GRM8: variants seen among roughly 807,000 people sequenced by gnomAD.
GRM8 encodes the protein glutamate metabotropic receptor 8.
GRM8 carries 47 observed loss-of-function variants against 87.2 expected under a neutral mutation model. That is an observed-to-expected ratio of 0.54 (90% CI 0.43 to 0.69). GRM8 has a LOEUF of 0.69. Among genes scored for constraint, GRM8 ranks in the 30% least tolerant of loss-of-function variants. The pLI is 0.00. For synonymous variants in GRM8, 396 were observed against 404.5 expected (o/e 0.98, Z 0.25); for missense variants, 1,019 against 1,139.2 (o/e 0.89, Z 1.52).
At chr7:126,595,858 C>G (rs909347621) in intron 8 of GRM8, among the ~76,000 whole-genome samples, 39 of 152,230 alleles carry the variant, frequency 2.6e-4, no homozygotes, top group Non-Finnish European at 4.3e-4. Context: ...TATAGTCCGG[C>G]TGGTCGCAGT....
In GRM8 at chr7:127,237,555, T is replaced by G. The variant is rs2116848568; in HGVS notation, c.510+5140A>C. ...GACTGCCAGGGAAACAAGCTGCTTC[T>G]CAGTATTTCATTGACTTCACATGAA... is the stretch of plus-strand genomic sequence containing the variant. On this transcript the variant is annotated intron_variant, in intron 2 of 10. Coordinates refer to ENST00000339582, the MANE Select transcript of GRM8 (RefSeq NM_000845.3). Among the ~76,000 whole-genome samples, 4 of 152,354 alleles carry G rather than the reference T, an allele frequency of 2.6e-5. No homozygotes were observed. The South Asian group carries it at 8.3e-4, about 32-fold the overall frequency.
chr7:126,627,228 T>C (rs1800795891), intron 7 of GRM8, among the ~76,000 whole-genome samples: 2 of 152,240 alleles, frequency 1.3e-5, no homozygotes, highest in South Asian at 4.1e-4. Context: ...GGTGATTTTG[T>C]CCCTCACAGG....
At chr7:126,992,482 T>C (rs1812755354) in intron 3 of GRM8, among the ~76,000 whole-genome samples, 1 of 151,936 alleles carries the variant, frequency 6.6e-6, no homozygotes, top group Non-Finnish European at 1.5e-5. Context: ...CAATTGGAAA[T>C]AAAACAAAAT....
intron 7 of GRM8, among the ~76,000 whole-genome samples, chr7:126,638,725 T>G (rs1563043817): frequency 6.6e-6 from 1 of 152,194 alleles, no homozygotes; most frequent in Non-Finnish European, 1.5e-5. Flanking sequence ...TCTATCTTGC[T>G]TCTTAGGTGT....
intron 2 of GRM8, among the ~76,000 whole-genome samples, chr7:127,220,212 T>C (rs1372454121): frequency 1.3e-5 from 2 of 152,120 alleles, no homozygotes; most frequent in Non-Finnish European, 2.9e-5. Context: ...CTTTATCTTT[T>C]CTCACTAGCC....
At chr7:126,959,362 G>C (rs746744104) in intron 3 of GRM8, among the ~76,000 whole-genome samples, 2 of 152,228 alleles carry the variant, frequency 1.3e-5, no homozygotes, top group African/African-American at 2.4e-5. Context: ...GAGAGGGATA[G>C]AGGAGTGTTT....
chr7:126,707,243 G>A, intron 7 of GRM8, among the ~76,000 whole-genome samples: 1 of 152,030 alleles, frequency 6.6e-6, no homozygotes, highest in South Asian at 2.1e-4. Context: ...AGAAACAAAG[G>A]TAGATTAACT....
chr7:126,775,717 G>A (rs1273850528), intron 6 of GRM8, among the ~76,000 whole-genome samples: 1 of 152,034 alleles, frequency 6.6e-6, no homozygotes, highest in Non-Finnish European at 1.5e-5. Flanking sequence ...GGCTAGGGGA[G>A]AGAGAGGATC....
chr7:126,644,110 T>C (rs76675607), intron 7 of GRM8, among the ~76,000 whole-genome samples: 1 of 152,260 alleles, frequency 6.6e-6, no homozygotes, highest in Admixed American at 6.5e-5. Flanking sequence ...AGATGGTATC[T>C]TGGATCTATG....
intron 7 of GRM8, among the ~76,000 whole-genome samples, 167 bp from the exon 8 acceptor site, chr7:126,609,665 G>A (rs1412449689): frequency 6.6e-6 from 1 of 152,172 alleles, no homozygotes; most frequent in Non-Finnish European, 1.5e-5. Context: ...TCTTTTACAT[G>A]AAAAAGAAGC....
intron 9 of GRM8, among the ~76,000 whole-genome samples, chr7:126,478,892 G>T (rs1170575014): frequency 6.6e-6 from 1 of 151,984 alleles, no homozygotes; most frequent in African/African-American, 2.4e-5. Context: ...AATCAATACT[G>T]CCCTAGATCA....
chr7:127,242,380 T>C (rs1191217120), intron 2 of GRM8, among the ~76,000 whole-genome samples: 1 of 152,162 alleles, frequency 6.6e-6, no homozygotes, highest in Non-Finnish European at 1.5e-5. Flanking sequence ...AAAATGCTTG[T>C]TTAATTTAAA....
intron 2 of GRM8, among the ~76,000 whole-genome samples, chr7:127,202,251 C>T (rs1250600508): frequency 8.0e-6 from 1 of 124,234 alleles, no homozygotes; most frequent in Non-Finnish European, 2.0e-5. Context: ...GCCATCTCTG[C>T]TCACTATGAT....
chr7:126,452,830 T>C (rs775549962), intron 9 of GRM8, among the ~76,000 whole-genome samples: 2 of 151,644 alleles, frequency 1.3e-5, no homozygotes, highest in African/African-American at 2.4e-5. Context: ...TAACTGAGGG[T>C]CAGGCACTCA....
intron 2 of GRM8, among the ~76,000 whole-genome samples, chr7:127,120,237 C>T (rs1487923097): frequency 1.3e-5 from 2 of 152,178 alleles, no homozygotes; most frequent in Non-Finnish European, 2.9e-5. Flanking sequence ...TTTTTTATAC[C>T]TCTCAGTGGC....
chr7:126,918,759 A>G (rs1375515565), intron 3 of GRM8, among the ~76,000 whole-genome samples: 2 of 152,182 alleles, frequency 1.3e-5, no homozygotes, highest in East Asian at 3.9e-4. Flanking sequence ...AAACATCTAC[A>G]TTCTCAGTGT....
At chr7:126,815,348 C>G (rs888730392) in intron 6 of GRM8, among the ~76,000 whole-genome samples, 1 of 152,100 alleles carries the variant, frequency 6.6e-6, no homozygotes, top group Non-Finnish European at 1.5e-5. Flanking sequence ...ATTACTGACT[C>G]ATTGTTTATA....
chr7:127,061,783 C>T (rs1430903458), intron 3 of GRM8, among the ~76,000 whole-genome samples: 1 of 152,160 alleles, frequency 6.6e-6, no homozygotes, highest in Non-Finnish European at 1.5e-5. Flanking sequence ...CCTGCAGATG[C>T]TAAAGTTGGG....
chr7:126,906,447 CTG>C (rs1458965756), intron 3 of GRM8, among the ~76,000 whole-genome samples: 4 of 152,118 alleles, frequency 2.6e-5, no homozygotes, highest in Non-Finnish European at 5.9e-5. Flanking sequence ...TCCGGAGTAA[CTG>C]GGATTACTCT....
Sources: allele counts gnomAD v4.1 joint callset (sites outside exome capture counted in the v4.1 genomes callset), GRCh38; gene constraint gnomAD v4.1.1; transcripts MANE v1.5; gene names NCBI Gene and HGNC (gene_info 2026-07-23, HGNC 2026-07-21).